Variants in DCDC2C observed in about 807,000 individuals in gnomAD.
DCDC2C encodes doublecortin domain containing 2C, also known as doublecortin domain-containing protein 2C.
Under a neutral mutation model 45.0 loss-of-function variants are expected in DCDC2C, and 44 were observed. The ratio of observed to expected loss-of-function variants is 0.98; its 90% CI spans 0.77 to 1.26. The LOEUF (loss-of-function observed/expected upper bound fraction) is 1.26, where lower values mean the gene tolerates loss of function less well. Among genes scored for constraint, DCDC2C ranks in the 50% most tolerant of loss-of-function variants. The pLI is 0.00. For missense variants in DCDC2C, 447 were observed against 468.9 expected (o/e 0.95, Z 0.43); for synonymous variants, 187 against 178.8 (o/e 1.05, Z -0.37).
intron 3 of DCDC2C, among the ~76,000 whole-genome samples, chr2:3,735,812 C>G (rs1328026556): frequency 6.9e-6 from 1 of 145,640 alleles, no homozygotes; most frequent in African/African-American, 2.6e-5. Flanking sequence ...CTGGGTTTGA[C>G]CATTTTTTTT....
intron 9 of DCDC2C, among the ~76,000 whole-genome samples, chr2:3,784,368 T>A (rs1558226190): frequency 6.6e-6 from 1 of 152,176 alleles, no homozygotes; most frequent in Non-Finnish European, 1.5e-5. Context: ...TAGCTAGGAA[T>A]ATCTTCTGCA....
In DCDC2C at chr2:3,752,888, G is replaced by T; in HGVS notation, c.671G>T (p.Ser224Ile). The T allele has an allele frequency of 6.4e-7, 1 of 1,550,552 alleles. No individual in the cohort carries two copies. Residue 224 changes from serine to isoleucine, a missense_variant, in exon 5 of 11, where the codon AGT becomes ATT. Coordinates refer to ENST00000399143, the MANE Select transcript of DCDC2C (RefSeq NM_001287444.2). ...TACTGGAAGTCTCCAAGGGTGCCCA[G>T]TGAGGTCCAACAGTGAGCATGCTTC... ...FPYWKSPRVP[S>I]EVQQRYANVE... is the part of the protein sequence containing the mutation.
At chr2:3,759,909 C>T (rs1331377961) in intron 6 of DCDC2C, among the ~76,000 whole-genome samples, 1 of 152,172 alleles carries the variant, frequency 6.6e-6, no homozygotes, top group African/African-American at 2.4e-5. Flanking sequence ...GACGATTTTC[C>T]TTGGTAAACT....
At chr2:3,835,493 G>A (rs941204841) in intron 10 of DCDC2C, among the ~76,000 whole-genome samples, 1 of 152,216 alleles carries the variant, frequency 6.6e-6, no homozygotes, top group Non-Finnish European at 1.5e-5. Context: ...GAAGTGTTCA[G>A]ATGGGAGCGT....
intron 10 of DCDC2C, among the ~76,000 whole-genome samples, chr2:3,799,413 A>G (rs1360155290): frequency 6.6e-6 from 1 of 152,168 alleles, no homozygotes; most frequent in Non-Finnish European, 1.5e-5. Flanking sequence ...GCTGGTGAGG[A>G]ACTGCGTTCC....
intron 2 of DCDC2C, among the ~76,000 whole-genome samples, chr2:3,709,290 A>T (rs962800033): frequency 6.6e-6 from 1 of 152,198 alleles, no homozygotes. Flanking sequence ...TGTAAAATGG[A>T]GATGATAATA....
chr2:3,756,230 A>G (rs1669711448), intron 6 of DCDC2C, among the ~76,000 whole-genome samples: 1 of 152,130 alleles, frequency 6.6e-6, no homozygotes, highest in African/African-American at 2.4e-5. Context: ...TGTTTACGTG[A>G]TCCTCCTATA....
At chr2:3,785,700 G>T (rs965756901) in intron 10 of DCDC2C, among the ~76,000 whole-genome samples, 17 of 152,146 alleles carry the variant, frequency 1.1e-4, no homozygotes, top group Non-Finnish European at 2.4e-4. Context: ...ATCCTGAGTT[G>T]GTAGATGACT....
At chr2:3,764,754 A>C (rs1265949111) in intron 6 of DCDC2C, among the ~76,000 whole-genome samples, 2 of 152,248 alleles carry the variant, frequency 1.3e-5, no homozygotes, top group Non-Finnish European at 2.9e-5. Flanking sequence ...TGCCAAGGTC[A>C]TGAAAGACAG....
chr2:3,761,347 G>A lies in DCDC2C; in HGVS notation c.727-6407G>A, dbSNP rs1315575185. On this transcript the variant is annotated intron_variant, in intron 6 of 10. Coordinates refer to ENST00000399143, the MANE Select transcript of DCDC2C (RefSeq NM_001287444.2). This position sits in a 1 kb window ranked among gnomAD's most constrained non-coding sequence, Gnocchi z 4.3. ...TGTTCGTAGTGAACGGTAATGAAAA[G>A]GAGATAAAGCATATAAATTAAGGAG... Among the ~76,000 whole-genome samples the A allele has an allele frequency of 6.6e-6, 1 of 152,202 alleles. No individual in the cohort carries two copies. Among genetic ancestry groups the A allele is most frequent in the Admixed American group, 6.5e-5 (1 of 15,288 alleles).
chr2:3,772,599 G>C (rs1670205837), intron 8 of DCDC2C, among the ~76,000 whole-genome samples: 1 of 152,158 alleles, frequency 6.6e-6, no homozygotes, highest in East Asian at 1.9e-4. Context: ...AGGTCATTGG[G>C]GGCGCTGGGT....
intron 6 of DCDC2C, among the ~76,000 whole-genome samples, chr2:3,759,151 C>T (rs1669809547): frequency 6.6e-6 from 1 of 152,200 alleles, no homozygotes; most frequent in Admixed American, 6.5e-5. Context: ...GCGGGGCATC[C>T]TTCCCACGCT....
At chr2:3,787,562 T>C (rs1203606781) in intron 10 of DCDC2C, among the ~76,000 whole-genome samples, 1 of 152,246 alleles carries the variant, frequency 6.6e-6, no homozygotes, top group Non-Finnish European at 1.5e-5. Flanking sequence ...AATGCCTTAC[T>C]TACAGTCGAC....
intron 10 of DCDC2C, among the ~76,000 whole-genome samples, chr2:3,794,858 A>G (rs1572623780): frequency 6.6e-6 from 1 of 152,036 alleles, no homozygotes; most frequent in Non-Finnish European, 1.5e-5. Context: ...AGCATGATTT[A>G]TAGTCCTTTG....
At chr2:3,809,060 T>C (rs1121171) in intron 10 of DCDC2C, among the ~76,000 whole-genome samples, 23,652 of 152,176 alleles carry the variant, frequency 0.16, 1,923 homozygotes, top group East Asian at 0.29. Context: ...CTAACCATAT[T>C]TGTGTTGGTT....
rs550963522 is a variant in DCDC2C at position 3,813,303 on chromosome 2, G to A, written c.1065+28203G>A. Among the ~76,000 whole-genome samples, 14 of 152,012 alleles carry A rather than the reference G, an allele frequency of 9.2e-5. No homozygotes were observed. The East Asian group carries it at 2.1e-3, about 23-fold the overall frequency. Reference sequence around the variant, plus strand: ...GCCAAGATGGTCTCGATCTGACCTCGTGATCTGCCTGCCTCAGCCTCCCAA... The same window carrying A: ...GCCAAGATGGTCTCGATCTGACCTCATGATCTGCCTGCCTCAGCCTCCCAA... On this transcript the variant is annotated intron_variant, in intron 10 of 10. Transcript: ENST00000399143.
At position 3,737,734 on chromosome 2, in the gene DCDC2C, A is replaced by G. The variant is rs544535282; in HGVS notation, c.417-4186A>G. The stretch of plus-strand genomic sequence containing the variant: ...CTGGAAAGGTTAGAGACGACTCTCT[A>G]AAGTGTTCATGGCTAGTGCTGAGGA... On this transcript the variant is annotated intron_variant, in intron 3 of 10. Transcript: ENST00000399143. Among the ~76,000 whole-genome samples, 5 of 152,310 alleles carry G rather than the reference A, an allele frequency of 3.3e-5. No individual in the cohort carries two copies. In the East Asian group the frequency reaches 7.7e-4, roughly 23 times the overall value.
intron 2 of DCDC2C, among the ~76,000 whole-genome samples, chr2:3,726,335 C>A (rs1668686873): frequency 6.6e-6 from 1 of 152,058 alleles, no homozygotes; most frequent in South Asian, 2.1e-4. Context: ...TCAGAGCTCC[C>A]CCCATTTGCT....
In DCDC2C at chr2:3,761,699, C is replaced by T. The variant is rs193126778; in HGVS notation, c.727-6055C>T. On this transcript the variant is annotated intron_variant, in intron 6 of 10. Transcript: ENST00000399143. This position sits in a 1 kb window ranked among gnomAD's most constrained non-coding sequence, Gnocchi z 4.3. ...CCACTTGGGATGGAAATGGGACATT[C>T]GCATGGGAACTTTTTGCTGTCAGCA... is the stretch of plus-strand genomic sequence containing the variant. 5.3e-5 allele frequency among the ~76,000 whole-genome samples: 8 copies of T among 152,298 alleles called. No homozygotes were observed. Among genetic ancestry groups the T allele is most frequent in the East Asian group, 3.9e-4 (2 of 5,188 alleles).
Sources: allele counts gnomAD v4.1 joint callset (sites outside exome capture counted in the v4.1 genomes callset), GRCh38; gene constraint gnomAD v4.1.1; non-coding constraint Gnocchi (gnomAD v3.1); transcripts MANE v1.5; gene names NCBI Gene and HGNC (gene_info 2026-07-23, HGNC 2026-07-21).